Variants in DNAJC17 observed in about 807,000 individuals in gnomAD.
DNAJC17 encodes DnaJ heat shock protein family (Hsp40) member C17, also known as dnaJ homolog subfamily C member 17.
Under a neutral mutation model 48.1 loss-of-function variants are expected in DNAJC17, and 35 were observed. That is an observed-to-expected ratio of 0.73 (90% confidence interval 0.56 to 0.96). The LOEUF (loss-of-function observed/expected upper bound fraction) is 0.96. DNAJC17 is among the 50% of genes least tolerant of loss of function. The pLI is 0.00. For synonymous variants in DNAJC17, 117 were observed against 142.7 expected, an observed-to-expected ratio of 0.82 and a Z score of 1.28; for missense variants, 355 against 377.1, an observed-to-expected ratio of 0.94 and a Z score of 0.48.
chr15:40,790,788 C>T (rs1303707929), intron 1 of DNAJC17, among the ~76,000 whole-genome samples: 2 of 152,154 alleles, frequency 1.3e-5, no homozygotes, highest in Admixed American at 6.6e-5. Context: ...GAGGTATTAT[C>T]TTGAATGTTA....
chr15:40,805,894 G>A (rs1404501267), intron 1 of DNAJC17, among the ~76,000 whole-genome samples: 1 of 146,872 alleles, frequency 6.8e-6, no homozygotes, highest in East Asian at 2.0e-4. Context: ...TAAACATAGA[G>A]CACTTAGAAT....
In DNAJC17 at chr15:40,779,908, C is replaced by A; in HGVS notation, c.148+20G>T. 5.6e-6 allele frequency: 9 copies of A among 1,612,178 alleles called. No homozygotes were observed. Among genetic ancestry groups the A allele is most frequent in the Non-Finnish European group, 7.6e-6 (9 of 1,179,178 alleles). On this transcript the variant is annotated intron_variant, in intron 2 of 10. Coordinates refer to ENST00000220496, the MANE Select transcript of DNAJC17 (RefSeq NM_018163.3). ...GGGTGAGTGGGTTTCTTTCTCCCCA[C>A]GCCCTGAGAAGAGTCTCACCTGCTC... is the stretch of plus-strand genomic sequence containing the variant.
chr15:40,775,909 C>T (rs1303905945), intron 6 of DNAJC17, among the ~76,000 whole-genome samples: 1 of 152,118 alleles, frequency 6.6e-6, no homozygotes, highest in Non-Finnish European at 1.5e-5. Flanking sequence ...ACAAAGTGTC[C>T]CAGGGCCCCT....
Position 40,770,519 on chromosome 15 carries a change from C to T in DNAJC17, c.793-2457G>A. The T allele has an allele frequency of 6.5e-7, 1 of 1,550,330 alleles. No homozygotes were observed. The highest frequency in any genetic ancestry group is 1.7e-4 in the Middle Eastern group (1 of 5,932). ...CCATGGAGACCTGGCGGAAAGGCTC[C>T]TTCCGCAACGCCTCCTTCTTCAAGC... On this transcript the variant is annotated intron_variant, in intron 10 of 10. Coordinates refer to ENST00000220496, the MANE Select transcript of DNAJC17 (RefSeq NM_018163.3). This position sits in a 1 kb window ranked among gnomAD's most constrained non-coding sequence, Gnocchi z 5.0.
At chr15:40,795,992 T>C (rs141567210) in intron 1 of DNAJC17, among the ~76,000 whole-genome samples, 176 of 152,354 alleles carry the variant, frequency 1.2e-3, no homozygotes, top group African/African-American at 4.0e-3. Flanking sequence ...AGTGGAAAGA[T>C]GGAAGACTTC....
rs775459475 is a variant in DNAJC17 at position 40,773,756 on chromosome 15, C to T, written c.763G>A (p.Val255Met). 9 of 1,613,724 alleles carry T rather than the reference C, an allele frequency of 5.6e-6. No homozygotes were observed. Among genetic ancestry groups the T allele is most frequent in the African/African-American group, 1.3e-5 (1 of 74,920 alleles). ...SWLEGQPQDA[V>M]GRSHSGLSKG... is the part of the protein sequence containing the mutation. The stretch of plus-strand genomic sequence containing the variant: ...GACAGTCCTGAGTGGCTGCGGCCCA[C>T]GGCATCCTGGGGCTGTCCCTCCAAC... The change falls in exon 10 of 11, where the codon GTG becomes ATG. Residue 255 changes from valine (V) to methionine (M), a missense_variant. Val to Met is a conservative substitution (Grantham distance 21). Around this residue, in one of 3 missense-constraint regions of DNAJC17, gnomAD observed 68 missense variants for 109.5 expected, o/e 0.62. Coordinates refer to ENST00000220496, the MANE Select transcript of DNAJC17 (RefSeq NM_018163.3).
chr15:40,770,754 C>T lies in DNAJC17; in HGVS notation c.793-2692G>A, dbSNP rs1055120023. On this transcript the variant is annotated intron_variant, in intron 10 of 10. Transcript: ENST00000220496. The surrounding 1 kb of genome is among the most constrained non-coding windows in gnomAD (Gnocchi z 5.0). ...CCCACCCAAGCCCCCACGCCTCTACCGAGAGAGCTCAAGCTGCCCCAACAT... is the reference window on the plus strand; with the variant it reads ...CCCACCCAAGCCCCCACGCCTCTACTGAGAGAGCTCAAGCTGCCCCAACAT... 3.2e-6 allele frequency: 5 copies of T among 1,545,700 alleles called. No individual in the cohort carries two copies. The highest frequency in any genetic ancestry group is 1.4e-5 in the African/African-American group (1 of 73,024).
At chr15:40,771,143 C>T (rs1257806479) in intron 10 of DNAJC17, 1 of 933,070 alleles carries the variant, frequency 1.1e-6, no homozygotes, top group East Asian at 2.6e-5. Context: ...AGAGCTTCTT[C>T]ATCCTGGGGG....
At position 40,773,712 on chromosome 15, in the gene DNAJC17, G is replaced by C. The variant is rs750461436; in HGVS notation, c.792+15C>G. 2.5e-6 allele frequency: 4 copies of C among 1,607,270 alleles called. No homozygotes were observed. Among genetic ancestry groups the C allele is most frequent in the Non-Finnish European group, 3.4e-6 (4 of 1,175,778 alleles). ...GAGACCTGAGCGCCCAGCCGGGCGA[G>C]GCCTGACTCCTCACCTTTGACAGTC... On this transcript the variant is annotated intron_variant, in intron 10 of 10. Coordinates refer to ENST00000220496, the MANE Select transcript of DNAJC17 (RefSeq NM_018163.3).
intron 7 of DNAJC17, 49 bp from the exon 8 acceptor site, chr15:40,775,157 C>T: frequency 6.3e-7 from 1 of 1,589,404 alleles, no homozygotes; most frequent in South Asian, 1.1e-5. Context: ...AACAGTACCT[C>T]ACCCCACGAC....
At chr15:40,777,666 C>A (rs914312066) in intron 4 of DNAJC17, among the ~76,000 whole-genome samples, 1 of 150,668 alleles carries the variant, frequency 6.6e-6, no homozygotes, top group Admixed American at 6.6e-5. Context: ...TGAAGTGAGC[C>A]GAGATCGTGC....
intron 1 of DNAJC17, among the ~76,000 whole-genome samples, chr15:40,788,749 C>T (rs1889715422): frequency 6.6e-6 from 1 of 151,872 alleles, no homozygotes; most frequent in Non-Finnish European, 1.5e-5. Context: ...GTGGCATGCA[C>T]CTGTAGTCCC....
At chr15:40,785,578 C>A (rs1042086155) in intron 1 of DNAJC17, among the ~76,000 whole-genome samples, 20 of 152,198 alleles carry the variant, frequency 1.3e-4, no homozygotes, top group African/African-American at 4.8e-4. Context: ...CCTACAAGTT[C>A]CCAAACCTTT....
chr15:40,766,150 C>T lies in DNAJC17; in HGVS notation c.*1790G>A, dbSNP rs1888944247. On this transcript the variant is annotated 3_prime_UTR_variant, in exon 11 of 11. Coordinates refer to ENST00000220496, the MANE Select transcript of DNAJC17 (RefSeq NM_018163.3). ...GCTTTCCACATCCTTACTGGAACCG[C>T]AGAAACAGAGTCCGTTCCCTGGGTC... The T allele has an allele frequency of 2.7e-6, 1 of 371,848 alleles. No individual in the cohort carries two copies. Among genetic ancestry groups the T allele is most frequent in the Non-Finnish European group, 4.9e-6 (1 of 204,758 alleles). The allele number at this position is 371,848 out of a possible 1,614,324, so 23.0% of individuals were successfully genotyped here.
Position 40,765,891 on chromosome 15 carries a change from C to T in DNAJC17, c.*2049G>A, listed in dbSNP as rs1431936353. 2 of 1,579,814 alleles carry T rather than the reference C, an allele frequency of 1.3e-6. No individual in the cohort carries two copies. The highest frequency in any genetic ancestry group is 4.6e-5 in the East Asian group (2 of 43,164). On this transcript the variant is annotated 3_prime_UTR_variant, in exon 11 of 11. Transcript: ENST00000220496. ...CCAGAGCTGATGCAGCATCTGGGGG[C>T]TTCAAAGAGAAGAGCCTTGGGAAAC... is the stretch of plus-strand genomic sequence containing the variant.
chr15:40,791,531 A>G (rs537276283), intron 1 of DNAJC17, among the ~76,000 whole-genome samples: 21 of 151,844 alleles, frequency 1.4e-4, no homozygotes, highest in Admixed American at 3.9e-4. Context: ...ATCTCAAAAA[A>G]CTAAAATAAA....
chr15:40,780,729 G>A (rs1412375325), intron 1 of DNAJC17, among the ~76,000 whole-genome samples: 1 of 151,726 alleles, frequency 6.6e-6, no homozygotes, highest in East Asian at 1.9e-4. Context: ...CAGGAGAATC[G>A]CTTGAACCGA....
chr15:40,787,404 A>C (rs555066641), intron 1 of DNAJC17, among the ~76,000 whole-genome samples: 2 of 152,278 alleles, frequency 1.3e-5, no homozygotes, highest in South Asian at 4.1e-4. Flanking sequence ...ATTACTTCAG[A>C]CCCACTGAGG....
At position 40,797,773 on chromosome 15, in the gene DNAJC17, G is replaced by A. The variant is rs535478824; in HGVS notation, c.78+9596C>T. On this transcript the variant is annotated intron_variant, in intron 1 of 10. Coordinates refer to ENST00000220496, the MANE Select transcript of DNAJC17 (RefSeq NM_018163.3). Reference sequence around the variant, plus strand: ...GTCTTGCTCTATCGCCCAGGCTGGAGGGCAGTAGCACAATCTCGGCTCACT... The same window carrying A: ...GTCTTGCTCTATCGCCCAGGCTGGAAGGCAGTAGCACAATCTCGGCTCACT... Among the ~76,000 whole-genome samples, 38 of 142,166 alleles carry A rather than the reference G, an allele frequency of 2.7e-4. No homozygotes were observed. The South Asian group carries it at 8.1e-3, about 30-fold the overall frequency. The allele number at this position is 142,166 out of a possible 152,430, so 93.3% of individuals were successfully genotyped here. A position where few individuals can be genotyped will look rare whatever the true frequency, so the allele number is the denominator to read the frequency against.
Sources: allele counts gnomAD v4.1 joint callset (sites outside exome capture counted in the v4.1 genomes callset), GRCh38; gene constraint gnomAD v4.1.1; regional missense constraint gnomAD v4.1.1; non-coding constraint Gnocchi (gnomAD v3.1); transcripts MANE v1.5; gene names NCBI Gene and HGNC (gene_info 2026-07-23, HGNC 2026-07-21).